The following PRKCQ variants were observed in gnomAD, a reference collection of about 807,000 sequenced individuals.
The protein encoded by PRKCQ is protein kinase C theta type.
A neutral mutation model predicts 91.2 loss-of-function variants in PRKCQ; 41 were observed. The ratio of observed to expected loss-of-function variants is 0.45; its 90% CI spans 0.35 to 0.58. PRKCQ has a LOEUF of 0.58. Ranked by LOEUF, PRKCQ falls within the 20% of genes least tolerant of loss-of-function variation. PRKCQ has a pLI of 0.00. For missense variants in PRKCQ, 673 were observed against 896.5 expected (o/e 0.75, Z 3.18); for synonymous variants, 307 against 316.9 (o/e 0.97, Z 0.33).
At position 6,574,070 on chromosome 10, in the gene PRKCQ, C is replaced by T. The variant is rs144818298; in HGVS notation, c.-10+6141G>A. On this transcript the variant is annotated intron_variant, in intron 1 of 17. Coordinates refer to ENST00000263125, the MANE Select transcript of PRKCQ (RefSeq NM_006257.5). ...GGCGGAGGCTGCTGTGAGCTGAGAT[C>T]GTGCCACTGCACTCCAGCCTGGGCG... Among the ~76,000 whole-genome samples the T allele has an allele frequency of 8.6e-3, 1,316 of 152,252 alleles. 21 individuals carry two copies. The highest frequency in any genetic ancestry group is 0.03 in the African/African-American group (1,260 of 41,550).
chr10:6,573,819 A>C (rs1841128577), intron 1 of PRKCQ, among the ~76,000 whole-genome samples: 1 of 152,238 alleles, frequency 6.6e-6, no homozygotes, highest in South Asian at 2.1e-4. Flanking sequence ...ACTCCAGTTA[A>C]AGGCGAAAAG....
intron 3 of PRKCQ, among the ~76,000 whole-genome samples, chr10:6,508,819 C>G (rs1158305977): frequency 6.6e-6 from 1 of 152,072 alleles, no homozygotes; most frequent in Non-Finnish European, 1.5e-5. Context: ...AAAACAGCAC[C>G]CATAGAAAGC....
chr10:6,481,868 C>T (rs988450185), intron 11 of PRKCQ, among the ~76,000 whole-genome samples: 1 of 152,142 alleles, frequency 6.6e-6, no homozygotes, highest in African/African-American at 2.4e-5. Flanking sequence ...CCCTTAATAT[C>T]AAAAATTACC....
intron 2 of PRKCQ, 22 bp from the exon 3 acceptor site, chr10:6,511,216 C>G: frequency 6.2e-7 from 1 of 1,606,240 alleles, no homozygotes; most frequent in Non-Finnish European, 8.5e-7. Flanking sequence ...AACGTAAGGT[C>G]TCATTATTCC....
At chr10:6,510,883 G>C (rs905144473) in intron 3 of PRKCQ, 112 bp downstream of exon 3, 2 of 1,206,102 alleles carry the variant, frequency 1.7e-6, no homozygotes, top group African/African-American at 1.5e-5. Context: ...TAGGGAGCCT[G>C]GTGACCCGAG....
At chr10:6,481,802 TG>T (rs1157935835) in intron 11 of PRKCQ, among the ~76,000 whole-genome samples, 1 of 152,220 alleles carries the variant, frequency 6.6e-6, no homozygotes, top group Non-Finnish European at 1.5e-5. Context: ...AAAATTTTCC[TG>T]GGAGTCCCAT....
chr10:6,569,641 G>A (rs1840961874), intron 1 of PRKCQ, among the ~76,000 whole-genome samples: 1 of 152,106 alleles, frequency 6.6e-6, no homozygotes, highest in African/African-American at 2.4e-5. Flanking sequence ...CAGAGGTGGT[G>A]GGAGTGTGAC....
the PRKCQ span, among the ~76,000 whole-genome samples, chr10:6,413,747 T>C: frequency 2.9e-4 from 30 of 104,558 alleles, no homozygotes; most frequent in African/African-American, 9.2e-4. Flanking sequence ...ACACACACAC[T>C]AGGAAGCACT....
chr10:6,555,306 C>T (rs924481210), intron 1 of PRKCQ, among the ~76,000 whole-genome samples: 2 of 151,984 alleles, frequency 1.3e-5, no homozygotes, highest in South Asian at 4.1e-4. Flanking sequence ...TAAACCTCCT[C>T]GAGAAGGATC....
intron 1 of PRKCQ, among the ~76,000 whole-genome samples, chr10:6,524,879 G>C (rs1390886144): frequency 6.6e-6 from 1 of 152,136 alleles, no homozygotes; most frequent in Non-Finnish European, 1.5e-5. Flanking sequence ...TGGCTGCAGC[G>C]GGCAGGCTCT....
intron 4 of PRKCQ, among the ~76,000 whole-genome samples, chr10:6,501,111 T>C (rs1837887706): frequency 1.3e-5 from 2 of 152,008 alleles, no homozygotes; most frequent in African/African-American, 2.4e-5. Context: ...ATCAAGGAAA[T>C]TGAAGGCTAA....
intron 3 of PRKCQ, among the ~76,000 whole-genome samples, chr10:6,510,467 G>A (rs891381646): frequency 2.6e-5 from 4 of 152,260 alleles, no homozygotes; most frequent in Admixed American, 1.3e-4. Context: ...CATTCTGATA[G>A]CTTTTTACTT....
chr10:6,447,249 A>C (rs1834358677), intron 15 of PRKCQ, among the ~76,000 whole-genome samples: 1 of 152,058 alleles, frequency 6.6e-6, no homozygotes, highest in Non-Finnish European at 1.5e-5. Context: ...TCTACTAAAA[A>C]TACATAAATT....
chr10:6,481,661 C>A (rs149750060), intron 11 of PRKCQ, among the ~76,000 whole-genome samples: 1 of 152,164 alleles, frequency 6.6e-6, no homozygotes, highest in African/African-American at 2.4e-5. Flanking sequence ...CTGTGGTGAC[C>A]GCTCAGTTGC....
At chr10:6,476,464 CTGT>C in intron 12 of PRKCQ, among the ~76,000 whole-genome samples, 1 of 152,150 alleles carries the variant, frequency 6.6e-6, no homozygotes, top group Non-Finnish European at 1.5e-5. Context: ...CAATTAACAA[CTGT>C]TAGTTTTTCA....
At chr10:6,444,459 A>G (rs1209441742) in intron 15 of PRKCQ, among the ~76,000 whole-genome samples, 1 of 152,168 alleles carries the variant, frequency 6.6e-6, no homozygotes, top group South Asian at 2.1e-4. Context: ...AGGACATAAT[A>G]GTGGCACATA....
intron 15 of PRKCQ, among the ~76,000 whole-genome samples, chr10:6,451,842 T>C (rs1834702512): frequency 6.6e-6 from 1 of 152,168 alleles, no homozygotes; most frequent in South Asian, 2.1e-4. Flanking sequence ...GATTACTCAA[T>C]AGATGCAGAA....
intron 1 of PRKCQ, among the ~76,000 whole-genome samples, chr10:6,525,520 T>C (rs1031038217): frequency 1.3e-5 from 2 of 152,218 alleles, no homozygotes; most frequent in African/African-American, 4.8e-5. Flanking sequence ...TCTGTTGCCT[T>C]AGTGCTCTCT....
chr10:6,545,416 A>G (rs1040214386), intron 1 of PRKCQ, among the ~76,000 whole-genome samples: 4 of 152,214 alleles, frequency 2.6e-5, no homozygotes, highest in Non-Finnish European at 5.9e-5. Flanking sequence ...CTGAAAAAGG[A>G]AGGACGTGGT....
Sources: gnomAD v4.1 joint callset for allele counts (sites outside exome capture counted in the v4.1 genomes callset) on GRCh38, gnomAD v4.1.1 for gene constraint, MANE v1.5 for transcripts, NCBI Gene and HGNC (gene_info 2026-07-23, HGNC 2026-07-21) for gene names.